The following CSMD1 variants were observed in gnomAD, a reference collection of about 807,000 sequenced individuals.
The protein encoded by CSMD1 is CUB and sushi domain-containing protein 1.
CSMD1 carries 213 observed loss-of-function variants against 417.5 expected under a neutral mutation model. The observed-to-expected ratio is 0.51, with a 90% confidence interval of 0.46 to 0.57. CSMD1 has a LOEUF of 0.57. CSMD1 is among the 20% of genes least tolerant of loss of function. CSMD1 has a pLI of 0.00. For synonymous variants in CSMD1, 2,862 were observed against 1,736.8 expected (o/e 1.65, Z -16.11); for missense variants, 6,923 against 4,529.7 (o/e 1.53, Z -15.17).
At chr8:4,748,883 A>C (rs750315815) in intron 1 of CSMD1, among the ~76,000 whole-genome samples, 3 of 152,254 alleles carry the variant, frequency 2.0e-5, no homozygotes, top group Non-Finnish European at 4.4e-5. Context: ...CAACAAAGTT[A>C]TTCCGGTCCT....
At chr8:4,626,370 A>C (rs1802112076) in intron 2 of CSMD1, among the ~76,000 whole-genome samples, 1 of 152,050 alleles carries the variant, frequency 6.6e-6, no homozygotes. Context: ...TTCTAAAGGA[A>C]AAAGTAACAG....
intron 6 of CSMD1, among the ~76,000 whole-genome samples, chr8:3,749,339 A>G (rs111443038): frequency 2.6e-5 from 4 of 152,330 alleles, no homozygotes; most frequent in African/African-American, 9.6e-5. Flanking sequence ...GTTTTCTACT[A>G]CTTTTGTTCA....
chr8:4,451,884 C>G (rs1159650104), intron 2 of CSMD1, among the ~76,000 whole-genome samples: 2 of 151,264 alleles, frequency 1.3e-5, no homozygotes, highest in African/African-American at 4.9e-5. Context: ...CATGTGTTCT[C>G]TTTTTTCTTC....
intron 1 of CSMD1, among the ~76,000 whole-genome samples, chr8:4,694,907 T>C (rs1451565425): frequency 6.6e-6 from 1 of 152,208 alleles, no homozygotes; most frequent in Non-Finnish European, 1.5e-5. Flanking sequence ...AAATCCAATC[T>C]ATAGCCAAGG....
At chr8:3,727,703 G>A (rs1258057656) in intron 6 of CSMD1, among the ~76,000 whole-genome samples, 5 of 152,150 alleles carry the variant, frequency 3.3e-5, no homozygotes, top group African/African-American at 1.2e-4. Context: ...TAACCAAGGA[G>A]GGGCAGAAAG....
chr8:3,726,469 C>A (rs1397777476), intron 6 of CSMD1, among the ~76,000 whole-genome samples: 7 of 152,266 alleles, frequency 4.6e-5, no homozygotes, highest in African/African-American at 1.7e-4. Context: ...ATGTGTAGAG[C>A]CAGATGGGAT....
At chr8:4,598,232 C>T (rs1800385231) in intron 2 of CSMD1, among the ~76,000 whole-genome samples, 2 of 152,136 alleles carry the variant, frequency 1.3e-5, no homozygotes, top group African/African-American at 4.8e-5. Context: ...TGAGAGCTCT[C>T]CAATCTAATT....
intron 5 of CSMD1, among the ~76,000 whole-genome samples, chr8:3,875,323 C>G (rs1470795058): frequency 1.3e-5 from 2 of 152,094 alleles, no homozygotes; most frequent in Admixed American, 1.3e-4. Context: ...ATTTGCTGTT[C>G]TATTAGGTGA....
Position 3,949,767 on chromosome 8 carries a change from A to C in CSMD1, c.818+48136T>G, listed in dbSNP as rs574468888. ...CACCAGGATCTCCAAGAAGCGCACA[A>C]GACAGCCACAAGCACTGTTGCCTCT... On this transcript the variant is annotated intron_variant, in intron 5 of 69. Coordinates refer to ENST00000635120, the MANE Select transcript of CSMD1 (RefSeq NM_033225.6). 6.6e-5 allele frequency among the ~76,000 whole-genome samples: 10 copies of C among 152,296 alleles called. No homozygotes were observed. In the East Asian group the frequency reaches 1.9e-3, roughly 30 times the overall value.
chr8:3,640,792 G>A (rs904827996), intron 7 of CSMD1, among the ~76,000 whole-genome samples: 16 of 152,038 alleles, frequency 1.1e-4, no homozygotes, highest in African/African-American at 3.6e-4. Flanking sequence ...GGGAAGAGAC[G>A]GCCTCACAGA....
At chr8:4,109,970 T>C (rs1324083096) in intron 3 of CSMD1, among the ~76,000 whole-genome samples, 3 of 152,032 alleles carry the variant, frequency 2.0e-5, no homozygotes, top group Non-Finnish European at 4.4e-5. Flanking sequence ...TATGAAAAAG[T>C]CCAAGGACTA....
intron 51 of CSMD1, among the ~76,000 whole-genome samples, chr8:3,026,417 T>C (rs1654835603): frequency 6.6e-6 from 1 of 151,786 alleles, no homozygotes; most frequent in Non-Finnish European, 1.5e-5. Flanking sequence ...TGACTGGACC[T>C]CACTGGACTT....
intron 17 of CSMD1, among the ~76,000 whole-genome samples, chr8:3,390,391 G>C (rs1811280187): frequency 6.9e-6 from 1 of 145,100 alleles, no homozygotes; most frequent in Admixed American, 6.9e-5. Flanking sequence ...GAATTTTGTA[G>C]CAGGTGATTT....
chr8:3,439,309 A>ATATTATTT, intron 12 of CSMD1, among the ~76,000 whole-genome samples: 1 of 62,482 alleles, frequency 1.6e-5, no homozygotes, highest in East Asian at 5.7e-4. Flanking sequence ...ATATATATAT[A>ATATTATTT]TTTTTTTTTT....
intron 5 of CSMD1, among the ~76,000 whole-genome samples, chr8:3,758,022 G>A (rs1291023564): frequency 6.6e-6 from 1 of 151,938 alleles, no homozygotes; most frequent in Non-Finnish European, 1.5e-5. Flanking sequence ...GGACTGCACT[G>A]GCACAATCTC....
chr8:3,649,230 T>C (rs1350002049), intron 7 of CSMD1, among the ~76,000 whole-genome samples: 1 of 152,216 alleles, frequency 6.6e-6, no homozygotes, highest in Non-Finnish European at 1.5e-5. Flanking sequence ...TTCCCTGCTT[T>C]ATATATTCTT....
intron 3 of CSMD1, among the ~76,000 whole-genome samples, chr8:4,059,702 A>G (rs574090417): frequency 6.6e-6 from 1 of 152,326 alleles, no homozygotes; most frequent in African/African-American, 2.4e-5. Flanking sequence ...GAAGAAATGG[A>G]TAATTTCCTC....
At chr8:4,539,576 C>T (rs903498161) in intron 2 of CSMD1, among the ~76,000 whole-genome samples, 8 of 152,150 alleles carry the variant, frequency 5.3e-5, no homozygotes, top group Admixed American at 6.5e-5. Context: ...TCATGTTACA[C>T]TGGCTTATAA....
At chr8:3,725,797 G>A (rs1374229170) in intron 6 of CSMD1, among the ~76,000 whole-genome samples, 1 of 152,090 alleles carries the variant, frequency 6.6e-6, no homozygotes, top group Admixed American at 6.6e-5. Context: ...ATTGATCTAG[G>A]AATCTTTCAA....
Sources: allele counts gnomAD v4.1 joint callset (sites outside exome capture counted in the v4.1 genomes callset), GRCh38; gene constraint gnomAD v4.1.1; transcripts MANE v1.5; gene names NCBI Gene and HGNC (gene_info 2026-07-23, HGNC 2026-07-21).